The following KIAA0825 variants were observed in gnomAD, a reference collection of about 807,000 sequenced individuals.
The protein encoded by KIAA0825 is KIAA0825, also known as uncharacterized protein KIAA0825.
In KIAA0825, 119 loss-of-function variants were observed where a neutral mutation model predicts 147.6. That is an observed-to-expected ratio of 0.81 (90% confidence interval 0.69 to 0.94). The LOEUF (loss-of-function observed/expected upper bound fraction) is 0.94. Ranked by LOEUF, KIAA0825 falls within the 40% of genes least tolerant of loss-of-function variation. The pLI, the probability that KIAA0825 is intolerant of heterozygous loss-of-function variation, is 0.00. For missense variants in KIAA0825, 1,381 were observed against 1,472.7 expected (o/e 0.94, Z 1.02); for synonymous variants, 470 against 518.1 (o/e 0.91, Z 1.26).
chr5:94,579,668 T>C (rs566561227), intron 2 of KIAA0825, among the ~76,000 whole-genome samples: 4 of 152,346 alleles, frequency 2.6e-5, no homozygotes, highest in African/African-American at 9.6e-5. Flanking sequence ...AAAGAGCATA[T>C]TTTGTTTCTA....
At chr5:94,494,460 C>G (rs1304795068) in intron 5 of KIAA0825, among the ~76,000 whole-genome samples, 1 of 151,400 alleles carries the variant, frequency 6.6e-6, no homozygotes, top group African/African-American at 2.4e-5. Context: ...GAACTGTATT[C>G]AGGGCAAATT....
At chr5:94,178,587 G>A (rs1477686255) in intron 20 of KIAA0825, among the ~76,000 whole-genome samples, 1 of 151,732 alleles carries the variant, frequency 6.6e-6, no homozygotes, top group Non-Finnish European at 1.5e-5. Flanking sequence ...AGGATGTTTG[G>A]TGATATAAAT....
chr5:94,536,196 T>G (rs763712713), intron 3 of KIAA0825, among the ~76,000 whole-genome samples: 17 of 152,216 alleles, frequency 1.1e-4, no homozygotes, highest in Admixed American at 2.6e-4. Context: ...AATAAAGAAC[T>G]AACTATTCTC....
chr5:94,603,877 A>G (rs1786986313), intron 1 of KIAA0825, among the ~76,000 whole-genome samples: 1 of 152,216 alleles, frequency 6.6e-6, no homozygotes, highest in Non-Finnish European at 1.5e-5. Flanking sequence ...GAAGAGCTAA[A>G]TACCCTGAAT....
rs150840412 is a variant in KIAA0825, at chr5:94,525,665, T to A, written c.132-1567A>T. Among the ~76,000 whole-genome samples the A allele has an allele frequency of 3.8e-3, 582 of 152,040 alleles. 3 individuals carry two copies. The highest frequency in any genetic ancestry group is 0.013 in the African/African-American group (560 of 41,550). ...TTTATCAAAGGTTTTTATTATAGCA[T>A]CCTCATGTGTCTCATTCAATGAAAC... On this transcript the variant is annotated intron_variant, in intron 3 of 20. Coordinates refer to ENST00000682413, the MANE Select transcript of KIAA0825 (RefSeq NM_001145678.3).
At chr5:94,471,283 G>C (rs1761187642) in intron 9 of KIAA0825, among the ~76,000 whole-genome samples, 183 bp downstream of exon 9, 1 of 152,082 alleles carries the variant, frequency 6.6e-6, no homozygotes. Flanking sequence ...TATGTATCTA[G>C]TTTAATATAT....
At chr5:94,548,209 A>G (rs1180721089) in intron 2 of KIAA0825, among the ~76,000 whole-genome samples, 2 of 152,200 alleles carry the variant, frequency 1.3e-5, no homozygotes, top group Non-Finnish European at 2.9e-5. Flanking sequence ...AATTAAAACA[A>G]CTTTTCAAGA....
chr5:94,540,916 G>A (rs572721215), intron 2 of KIAA0825, among the ~76,000 whole-genome samples: 165 of 152,214 alleles, frequency 1.1e-3, no homozygotes, highest in African/African-American at 3.9e-3. Flanking sequence ...TGCAAAGAAG[G>A]TTATGAAGAA....
chr5:94,225,008 A>AACT (rs1427652638), intron 20 of KIAA0825, among the ~76,000 whole-genome samples: 1 of 152,260 alleles, frequency 6.6e-6, no homozygotes, highest in East Asian at 1.9e-4. Context: ...TAAGAGACCA[A>AACT]ACTGTCCCTC....
chr5:94,225,476 G>A (rs1288258347), intron 20 of KIAA0825, among the ~76,000 whole-genome samples: 3 of 152,176 alleles, frequency 2.0e-5, no homozygotes, highest in African/African-American at 4.8e-5. Context: ...TAACGCCAAC[G>A]TAATGGTTAG....
intron 20 of KIAA0825, among the ~76,000 whole-genome samples, chr5:94,223,251 G>A (rs971073637): frequency 2.0e-5 from 3 of 152,130 alleles, no homozygotes; most frequent in Non-Finnish European, 4.4e-5. Flanking sequence ...TACTAATAAA[G>A]AAACAGCTAA....
intron 20 of KIAA0825, among the ~76,000 whole-genome samples, chr5:94,212,221 A>C (rs116009881): frequency 0.031 from 4,691 of 152,322 alleles, 95 homozygotes; most frequent in Middle Eastern, 0.068. Context: ...TGTGTTTCTC[A>C]AACTTTTCCC....
intron 20 of KIAA0825, among the ~76,000 whole-genome samples, chr5:94,281,198 A>AACAC (rs34358354): frequency 0.062 from 8,930 of 145,018 alleles, 326 homozygotes; most frequent in East Asian, 0.14. Context: ...TAAGTGATTT[A>AACAC]ACACACACAC....
intron 13 of KIAA0825, among the ~76,000 whole-genome samples, chr5:94,450,913 G>A (rs138844975): frequency 7.1e-4 from 108 of 152,294 alleles, no homozygotes; most frequent in African/African-American, 2.6e-3. Flanking sequence ...GGGTGTGGTT[G>A]TCAAGAGCTT....
intron 13 of KIAA0825, among the ~76,000 whole-genome samples, chr5:94,445,839 G>C (rs953209343): frequency 6.6e-6 from 1 of 152,060 alleles, no homozygotes; most frequent in Non-Finnish European, 1.5e-5. Context: ...CATACTGCTT[G>C]TCCATCCACA....
chr5:94,274,892 T>C (rs1481007068), intron 20 of KIAA0825, among the ~76,000 whole-genome samples: 1 of 152,116 alleles, frequency 6.6e-6, no homozygotes, highest in African/African-American at 2.4e-5. Flanking sequence ...CTGGCTTGTG[T>C]CACGTGACCA....
At chr5:94,443,884 T>C (rs1416360878) in intron 13 of KIAA0825, among the ~76,000 whole-genome samples, 1 of 152,152 alleles carries the variant, frequency 6.6e-6, no homozygotes, top group East Asian at 1.9e-4. Context: ...CACATGACCA[T>C]GGGGTATATT....
chr5:94,234,912 G>A (rs1009378587), intron 20 of KIAA0825, among the ~76,000 whole-genome samples: 15 of 151,980 alleles, frequency 9.9e-5, no homozygotes, highest in South Asian at 2.1e-4. Context: ...CATCAACTGC[G>A]CCCACAGAAG....
rs142921546 is a variant in KIAA0825 at position 94,159,683 on chromosome 5, A to G, written c.3711-5559T>C. 5.9e-5 allele frequency among the ~76,000 whole-genome samples: 9 copies of G among 152,094 alleles called. No homozygotes were observed. The East Asian group carries it at 1.7e-3, about 29-fold the overall frequency. On this transcript the variant is annotated intron_variant, in intron 20 of 20. Coordinates refer to ENST00000682413, the MANE Select transcript of KIAA0825 (RefSeq NM_001145678.3). ...GGGAAATGTTTCATGCTAGTCTACT[A>G]CTCTGTTCACCCTAGCATGGCCAAG... is the stretch of plus-strand genomic sequence containing the variant.
Sources: allele counts gnomAD v4.1 joint callset (sites outside exome capture counted in the v4.1 genomes callset), GRCh38; gene constraint gnomAD v4.1.1; transcripts MANE v1.5; gene names NCBI Gene and HGNC (gene_info 2026-07-23, HGNC 2026-07-21).